The following NR6A1 variants were observed in gnomAD, a reference collection of about 807,000 sequenced individuals.
NR6A1 encodes the protein nuclear receptor subfamily 6 group A member 1.
In NR6A1, 7 loss-of-function variants were observed where a neutral mutation model predicts 59.1. The ratio of observed to expected loss-of-function variants is 0.12; its 90% CI spans 0.07 to 0.22. The LOEUF is 0.22. NR6A1 is among the 10% of genes least tolerant of loss of function. The pLI, the probability that NR6A1 is intolerant of heterozygous loss-of-function variation, is 1.00. For missense variants in NR6A1, 468 were observed against 611.6 expected (o/e 0.77, Z 2.48); for synonymous variants, 243 against 236.1 (o/e 1.03, Z -0.27).
At chr9:124,577,932 C>G (rs1331010789) in intron 2 of NR6A1, among the ~76,000 whole-genome samples, 3 of 152,212 alleles carry the variant, frequency 2.0e-5, no homozygotes, top group African/African-American at 7.2e-5. Flanking sequence ...TCTTCTCTGT[C>G]CTGATGACTG....
Position 124,617,453 on chromosome 9 carries a change from GTTA to G in NR6A1, c.143-62886_143-62884del, listed in dbSNP as rs780732096. On this transcript the variant is annotated intron_variant, in intron 2 of 9. Transcript: ENST00000487099. Reference sequence around the variant, plus strand: ...ATTAGCTAGCGCAGGGCACCTAGGTGTTATTATTTGGCCACTACAAATAATGCT... The same window carrying G: ...ATTAGCTAGCGCAGGGCACCTAGGTGTTATTTGGCCACTACAAATAATGCT... Among the ~76,000 whole-genome samples the G allele has an allele frequency of 2.4e-4, 37 of 152,330 alleles. No individual in the cohort carries two copies. The East Asian group carries it at 6.0e-3, about 25-fold the overall frequency.
intron 1 of NR6A1, among the ~76,000 whole-genome samples, chr9:124,754,583 G>A (rs16927629): frequency 0.01 from 1,559 of 152,082 alleles, 26 homozygotes; most frequent in African/African-American, 0.035. Flanking sequence ...TATAGGAAAC[G>A]GGAAAAACAA....
rs140983240 is a variant in NR6A1, at chr9:124,646,183, C to T, written c.142+87125G>A. On this transcript the variant is annotated intron_variant, in intron 2 of 9. Coordinates refer to ENST00000487099, the MANE Select transcript of NR6A1 (RefSeq NM_033334.4). ...AGACAACCTAAAACCAAGCTTCCACCTTAGGAAGCTAGAAAAAGACAAAAT... is the reference window on the plus strand; with the variant it reads ...AGACAACCTAAAACCAAGCTTCCACTTTAGGAAGCTAGAAAAAGACAAAAT... Among the ~76,000 whole-genome samples the T allele has an allele frequency of 3.0e-3, 462 of 152,058 alleles. 2 individuals are homozygous for T. The highest frequency in any genetic ancestry group is 0.011 in the African/African-American group (442 of 41,514).
intron 5 of NR6A1, among the ~76,000 whole-genome samples, chr9:124,538,817 A>T (rs1436167654): frequency 6.6e-6 from 1 of 152,020 alleles, no homozygotes; most frequent in African/African-American, 2.4e-5. Flanking sequence ...CCTGAATGGG[A>T]TAAAAGCTTT....
intron 2 of NR6A1, among the ~76,000 whole-genome samples, chr9:124,731,950 G>T (rs9299300): frequency 1.2e-3 from 187 of 152,112 alleles, no homozygotes; most frequent in African/African-American, 4.1e-3. Context: ...AGGGTCAACC[G>T]TACTATATAC....
chr9:124,621,483 T>TAA (rs11366819), intron 2 of NR6A1, among the ~76,000 whole-genome samples: 10 of 143,444 alleles, frequency 7.0e-5, no homozygotes, highest in African/African-American at 2.1e-4. Flanking sequence ...CCAATATCTT[T>TAA]AAAAAAAAAA....
At chr9:124,706,013 T>C (rs1214796640) in intron 2 of NR6A1, among the ~76,000 whole-genome samples, 1 of 152,216 alleles carries the variant, frequency 6.6e-6, no homozygotes, top group Non-Finnish European at 1.5e-5. Context: ...CGAACTCAGG[T>C]GATCCACCTG....
rs1832808474 is a variant in NR6A1 at position 124,521,785 on chromosome 9, G to A, written c.*920C>T. 6.6e-6 allele frequency: 1 copy of A among 152,172 alleles called. No individual in the cohort carries two copies. The highest frequency in any genetic ancestry group is 1.5e-5 in the Non-Finnish European group (1 of 68,066). 9.4% of individuals were successfully genotyped at this position (152,172 alleles called of 1,614,324 possible). A position where few individuals can be genotyped will look rare whatever the true frequency, so the allele number is the denominator to read the frequency against. ...ATTCTGCTCAGCTGGTTTTTCAAAG[G>A]GCCAATAGGAAGTCAAATGTGTAAG... is the stretch of plus-strand genomic sequence containing the variant. On this transcript the variant is annotated 3_prime_UTR_variant, in exon 10 of 10. Transcript: ENST00000487099.
At chr9:124,658,793 T>A (rs1837335698) in intron 2 of NR6A1, 1 of 152,124 alleles carries the variant, frequency 6.6e-6, no homozygotes, top group Non-Finnish European at 1.5e-5. Flanking sequence ...TAAAATTGAA[T>A]CTGTTGAGGG....
chr9:124,626,760 C>G (rs944575298), intron 2 of NR6A1, among the ~76,000 whole-genome samples: 4 of 151,934 alleles, frequency 2.6e-5, no homozygotes, highest in Non-Finnish European at 5.9e-5. Context: ...ATGGTGAAAC[C>G]CCGTCTCTAC....
chr9:124,761,916 T>C (rs1177518545), intron 1 of NR6A1, among the ~76,000 whole-genome samples: 2 of 152,172 alleles, frequency 1.3e-5, no homozygotes, highest in Non-Finnish European at 2.9e-5. Context: ...TAACAAAAGC[T>C]TTATCAGAGA....
At chr9:124,532,332 A>C (rs142112704) in intron 7 of NR6A1, among the ~76,000 whole-genome samples, 130 of 152,276 alleles carry the variant, frequency 8.5e-4, no homozygotes, top group Middle Eastern at 3.4e-3. Flanking sequence ...GTGCAGCTCA[A>C]ATGTCTGTTC....
chr9:124,537,299 A>G (rs1304196369), intron 6 of NR6A1, among the ~76,000 whole-genome samples: 1 of 152,148 alleles, frequency 6.6e-6, no homozygotes, highest in African/African-American at 2.4e-5. Context: ...CATGTTGGCC[A>G]GCTCGTCTGG....
intron 2 of NR6A1, among the ~76,000 whole-genome samples, chr9:124,575,317 T>A (rs763541859): frequency 5.3e-5 from 8 of 152,210 alleles, no homozygotes; most frequent in Non-Finnish European, 8.8e-5. Flanking sequence ...CTCATGCCTG[T>A]AATCCTAGCA....
intron 2 of NR6A1, among the ~76,000 whole-genome samples, chr9:124,582,158 G>A (rs1178204727): frequency 6.6e-6 from 1 of 152,118 alleles, no homozygotes; most frequent in Admixed American, 6.6e-5. Context: ...CAATAGCAAA[G>A]ATACAGAAAC....
chr9:124,727,999 A>T (rs1285703614), intron 2 of NR6A1, among the ~76,000 whole-genome samples: 1 of 149,290 alleles, frequency 6.7e-6, no homozygotes, highest in African/African-American at 2.5e-5. Context: ...CTTCATTTTT[A>T]TTTTTTATTT....
intron 2 of NR6A1, among the ~76,000 whole-genome samples, chr9:124,616,661 A>T (rs916910650): frequency 6.6e-6 from 1 of 152,112 alleles, no homozygotes; most frequent in Non-Finnish European, 1.5e-5. Flanking sequence ...AGTTCCTAAA[A>T]ATCAGTAGGA....
intron 1 of NR6A1, among the ~76,000 whole-genome samples, chr9:124,749,198 G>T (rs1840427311): frequency 6.6e-6 from 1 of 151,024 alleles, no homozygotes; most frequent in Non-Finnish European, 1.5e-5. Context: ...AGAGGCGGAG[G>T]TTGCAGTGAG....
At chr9:124,537,994 A>AT in intron 6 of NR6A1, 98 bp downstream of exon 6, 1 of 953,760 alleles carries the variant, frequency 1.0e-6, no homozygotes, top group Admixed American at 2.5e-5. Flanking sequence ...CCCCCAACTC[A>AT]TTCTGAAGCC....
Sources: gnomAD v4.1 joint callset for allele counts (sites outside exome capture counted in the v4.1 genomes callset) on GRCh38, gnomAD v4.1.1 for gene constraint, MANE v1.5 for transcripts, NCBI Gene and HGNC (gene_info 2026-07-23, HGNC 2026-07-21) for gene names.